The following BAIAP2L2 variants were observed in gnomAD, a reference collection of about 807,000 sequenced individuals.
BAIAP2L2 encodes the protein BAR/IMD domain containing adaptor protein 2 like 2.
In BAIAP2L2, 65 loss-of-function variants were observed where a neutral mutation model predicts 60.4. That is an observed-to-expected ratio of 1.08 (90% confidence interval 0.88 to 1.32). BAIAP2L2 has a LOEUF of 1.32. Ranked by LOEUF, BAIAP2L2 falls within the 40% of genes most tolerant of loss-of-function variation. BAIAP2L2 has a pLI of 0.00. For missense variants in BAIAP2L2, 836 were observed against 741.2 expected, an observed-to-expected ratio of 1.13 and a Z score of -1.48; for synonymous variants, 344 against 301.7, an observed-to-expected ratio of 1.14 and a Z score of -1.45.
intron 6 of BAIAP2L2, 137 bp from the exon 7 acceptor site, chr22:38,097,315 C>A (rs2086460249): frequency 2.1e-6 from 2 of 935,846 alleles, no homozygotes; most frequent in South Asian, 3.3e-5. Context: ...ATCACCCGGC[C>A]CATCCTAGCT....
intron 4 of BAIAP2L2, among the ~76,000 whole-genome samples, chr22:38,104,001 C>G (rs1293834160): frequency 6.6e-6 from 1 of 151,966 alleles, no homozygotes. Context: ...AAAAGTACTA[C>G]ATAATGGTGT....
At chr22:38,086,544 C>T (rs1007884070) in intron 11 of BAIAP2L2, 95 bp from the exon 12 acceptor site, 17 of 920,244 alleles carry the variant, frequency 1.8e-5, no homozygotes, top group African/African-American at 1.2e-4. Flanking sequence ...AGGAGGCATC[C>T]GACAGCTTCC....
At chr22:38,094,878 G>A (rs531345260) in intron 7 of BAIAP2L2, among the ~76,000 whole-genome samples, 30 of 152,168 alleles carry the variant, frequency 2.0e-4, no homozygotes, top group Non-Finnish European at 2.9e-4. Flanking sequence ...AGGACCGGGC[G>A]TGGTGGCTCA....
chr22:38,099,682 G>C (rs1021835758), intron 4 of BAIAP2L2, among the ~76,000 whole-genome samples: 5 of 152,126 alleles, frequency 3.3e-5, no homozygotes, highest in African/African-American at 1.2e-4. Context: ...TGGGCAGTTG[G>C]ACCTAAACCC....
At position 38,085,356 on chromosome 22, in the gene BAIAP2L2, T is replaced by G. The variant is rs1569213367; in HGVS notation, c.1534A>C (p.Thr512Pro). Residue 512 changes from threonine (T) to proline (P), a missense_variant, in exon 14 of 14, where the codon ACT becomes CCT. Transcript: ENST00000381669. ...GTGATGGTGGGACGAAGCTTGACAG[T>G]GGCAAAAGGATTTGTGCCCCTGTAG... is the stretch of plus-strand genomic sequence containing the variant. ...LFPRGTNPFATVKLRPTITND... is the reference protein window; with the variant it reads ...LFPRGTNPFAPVKLRPTITND... 6.2e-7 allele frequency: 1 copy of G among 1,613,896 alleles called. No homozygotes were observed.
chr22:38,094,942 A>T (rs940922832), intron 7 of BAIAP2L2, among the ~76,000 whole-genome samples: 1 of 152,082 alleles, frequency 6.6e-6, no homozygotes, highest in African/African-American at 2.4e-5. Flanking sequence ...ACCTGAGGTC[A>T]GGAGTTCGAG....
Position 38,086,237 on chromosome 22 carries a change from C to T in BAIAP2L2, c.1467+5G>A, listed in dbSNP as rs763874000. 3 of 1,610,350 alleles carry T rather than the reference C, an allele frequency of 1.9e-6. No homozygotes were observed. Among genetic ancestry groups the T allele is most frequent in the Non-Finnish European group, 2.5e-6 (3 of 1,179,442 alleles). ...GGCCCCAAGAGAGGGCGGGCAAGGG[C>T]TCACCTTGACGTCAGTGGCAACTGC... On this transcript the variant is annotated splice_donor_5th_base_variant and intron_variant, in intron 12 of 13. Transcript: ENST00000381669.
chr22:38,103,217 G>T (rs1413111103), intron 4 of BAIAP2L2, among the ~76,000 whole-genome samples: 1 of 151,970 alleles, frequency 6.6e-6, no homozygotes, highest in East Asian at 1.9e-4. Flanking sequence ...CTCTGCCTCT[G>T]AAAATAAATA....
At chr22:38,106,398 T>C (rs1165672583) in intron 4 of BAIAP2L2, among the ~76,000 whole-genome samples, 1 of 151,798 alleles carries the variant, frequency 6.6e-6, no homozygotes, top group African/African-American at 2.4e-5. Context: ...CAGGTGCCTG[T>C]AATCCCAGCC....
At chr22:38,092,294 A>C (rs1183294265) in intron 7 of BAIAP2L2, among the ~76,000 whole-genome samples, 9 of 152,088 alleles carry the variant, frequency 5.9e-5, no homozygotes, top group Admixed American at 5.9e-4. Flanking sequence ...TTTTTGAGAG[A>C]GAGAGCGAGC....
In BAIAP2L2 at chr22:38,089,546, G is replaced by T; in HGVS notation, c.741C>A (p.Arg247=). ...PALGPPYPSG[R]LTPTCLDMPP... Reference sequence around the variant, plus strand: ...CCATGTCCAGGCAGGTGGGCGTCAGGCGGCCCGAGGGGTAGGGCGGCCCCA... The same window carrying T: ...CCATGTCCAGGCAGGTGGGCGTCAGTCGGCCCGAGGGGTAGGGCGGCCCCA... Residue 247 remains arginine (R), a synonymous_variant, in exon 8 of 14, where the codon CGC becomes CGA. Coordinates refer to ENST00000381669, the MANE Select transcript of BAIAP2L2 (RefSeq NM_025045.6). 8.2e-7 allele frequency: 1 copy of T among 1,223,834 alleles called. No individual in the cohort carries two copies. Among genetic ancestry groups the T allele is most frequent in the Non-Finnish European group, 1.0e-6 (1 of 983,310 alleles). The allele number at this position is 1,223,834 out of a possible 1,614,324, so 75.8% of individuals were successfully genotyped here.
intron 4 of BAIAP2L2, among the ~76,000 whole-genome samples, chr22:38,105,339 C>CTTTTTTTTTT (rs1035690122): frequency 1.1e-5 from 1 of 94,966 alleles, no homozygotes; most frequent in African/African-American, 3.5e-5. Flanking sequence ...TTTTTCTTTT[C>CTTTTTTTTTT]TTTTTTTTTT....
Position 38,087,151 on chromosome 22 carries a change from A to ATGGGTGTCG in BAIAP2L2, c.1231_1232insCGACACCCA (p.Pro410_Met411insThrThrPro), listed in dbSNP as rs1183401479. On this transcript the variant is annotated inframe_insertion, in exon 11 of 14. Transcript: ENST00000381669. ...GGAAGGCAGCTCGTTCCCGGGGTTCATGGGTGTCATGGGGGACATGGAGGT... is the reference window on the plus strand; with the variant it reads ...GGAAGGCAGCTCGTTCCCGGGGTTCATGGGTGTCGTGGGTGTCATGGGGGACATGGAGGT... 3 of 1,600,362 alleles carry ATGGGTGTCG rather than the reference A, an allele frequency of 1.9e-6. No homozygotes were observed. Among genetic ancestry groups the ATGGGTGTCG allele is most frequent in the African/African-American group, 2.7e-5 (2 of 73,748 alleles).
At chr22:38,093,088 C>G (rs1250647183) in intron 7 of BAIAP2L2, among the ~76,000 whole-genome samples, 1 of 152,136 alleles carries the variant, frequency 6.6e-6, no homozygotes, top group East Asian at 1.9e-4. Flanking sequence ...ATCGCTTGAA[C>G]CCAGGAGGTG....
chr22:38,108,938 G>A (rs1474797579), intron 2 of BAIAP2L2, among the ~76,000 whole-genome samples, 195 bp downstream of exon 2: 1 of 151,962 alleles, frequency 6.6e-6, no homozygotes. Flanking sequence ...GTGTGGACTG[G>A]GGTGCGTGGG....
chr22:38,100,418 C>T (rs1467026724), intron 4 of BAIAP2L2, among the ~76,000 whole-genome samples: 4 of 151,942 alleles, frequency 2.6e-5, no homozygotes, highest in Non-Finnish European at 4.4e-5. Flanking sequence ...CCCAGCTACT[C>T]GGGAGGCTGA....
At position 38,086,450 on chromosome 22, in the gene BAIAP2L2, C is replaced by CTAAG. The variant is rs750439231; in HGVS notation, c.1260-5_1260-2dup. The CTAAG allele has an allele frequency of 4.7e-6, 7 of 1,487,934 alleles. No individual in the cohort carries two copies. The East Asian group carries it at 7.5e-5, about 16-fold the overall frequency. The allele number at this position is 1,487,934 out of a possible 1,614,324, so 92.2% of individuals were successfully genotyped here. On this transcript the variant is annotated splice_acceptor_variant, in intron 11 of 13. Coordinates refer to ENST00000381669, the MANE Select transcript of BAIAP2L2 (RefSeq NM_025045.6). LOFTEE classifies it high-confidence loss of function. ...GTGGCTGCCCCGGAGTGGGTAGGACCTAAGTCCAGAGAAAGGAGGGGGAAG... is the reference window on the plus strand; with the variant it reads ...GTGGCTGCCCCGGAGTGGGTAGGACCTAAGTAAGTCCAGAGAAAGGAGGGGGAAG...
intron 7 of BAIAP2L2, chr22:38,091,504 A>G (rs1169592287): frequency 6.6e-6 from 1 of 152,204 alleles, no homozygotes; most frequent in Non-Finnish European, 1.5e-5. Context: ...TACCCCATAA[A>G]TATATACACC....
Position 38,084,980 on chromosome 22 carries a change from G to A in BAIAP2L2, c.*320C>T. On this transcript the variant is annotated 3_prime_UTR_variant, in exon 14 of 14. Transcript: ENST00000381669. ...TGTGTTGGGCACGGAGCAGGTACAAGGGGCTCCTCCCCACGGGGGCAGAAA... is the reference window on the plus strand; with the variant it reads ...TGTGTTGGGCACGGAGCAGGTACAAAGGGCTCCTCCCCACGGGGGCAGAAA... 1 of 337,936 alleles carries A rather than the reference G, an allele frequency of 3.0e-6. No individual in the cohort carries two copies. The highest frequency in any genetic ancestry group is 3.2e-5 in the South Asian group (1 of 30,892). 20.9% of individuals were successfully genotyped at this position (337,936 alleles called of 1,614,324 possible).
Sources: allele counts gnomAD v4.1 joint callset (sites outside exome capture counted in the v4.1 genomes callset), GRCh38; gene constraint gnomAD v4.1.1; transcripts MANE v1.5; gene names NCBI Gene and HGNC (gene_info 2026-07-23, HGNC 2026-07-21).